NADK2: variants seen among roughly 807,000 people sequenced by gnomAD.
NADK2 encodes the protein NAD kinase domain-containing protein 1, mitochondrial.
In NADK2, 35 loss-of-function variants were observed where a neutral mutation model predicts 62.1. That is an observed-to-expected ratio of 0.56 (90% CI 0.43 to 0.75). The LOEUF (loss-of-function observed/expected upper bound fraction) is 0.75. Ranked by LOEUF, NADK2 falls within the 30% of genes least tolerant of loss-of-function variation. The pLI is 0.00. For synonymous variants in NADK2, 205 were observed against 207.9 expected, an observed-to-expected ratio of 0.99 and a Z score of 0.12; for missense variants, 439 against 561.3, an observed-to-expected ratio of 0.78 and a Z score of 2.20.
chr5:36,207,171 A>G lies in NADK2; in HGVS notation c.955T>C (p.Trp319Arg). The change falls in exon 8 of 12, where the codon TGG becomes CGG. Residue 319 changes from tryptophan to arginine, a missense_variant and splice_region_variant. Coordinates refer to ENST00000381937, the MANE Select transcript of NADK2 (RefSeq NM_001085411.3). The stretch of plus-strand genomic sequence containing the variant: ...TAAGCAACATCCCAAGTTACTCACC[A>G]GGCCTTTGATCCTGTTCCAGTACAC... ...NLCTGTGSKAWSFNINRVATQ... is the reference protein window; with the variant it reads ...NLCTGTGSKARSFNINRVATQ... 1.2e-6 allele frequency: 2 copies of G among 1,610,464 alleles called. No individual in the cohort carries two copies. The highest frequency in any genetic ancestry group is 2.2e-5 in the South Asian group (2 of 90,758).
At chr5:36,207,741 G>A (rs1267985052) in intron 7 of NADK2, among the ~76,000 whole-genome samples, 1 of 152,082 alleles carries the variant, frequency 6.6e-6, no homozygotes, top group Non-Finnish European at 1.5e-5. Flanking sequence ...ACATGCTAAT[G>A]TACCTTTTGA....
At position 36,217,773 on chromosome 5, in the gene NADK2, A is replaced by G; in HGVS notation, c.756T>C (p.Leu252=). Residue 252 remains leucine, a synonymous_variant, in exon 6 of 12, where the codon CTT becomes CTC. Transcript: ENST00000381937. ...TTTCATCATGAGCTCTTTCAATGTT[A>G]AGGGCTCTATTGTGCTGATTCAAGC... ...QLSLNQHNRA[L]NIERAHDERS... 6.2e-7 allele frequency: 1 copy of G among 1,613,940 alleles called. No individual in the cohort carries two copies. Among genetic ancestry groups the G allele is most frequent in the Non-Finnish European group, 8.5e-7 (1 of 1,179,864 alleles).
intron 1 of NADK2, among the ~76,000 whole-genome samples, chr5:36,234,322 G>C: frequency 7.0e-6 from 1 of 141,908 alleles, no homozygotes; most frequent in East Asian, 2.0e-4. Context: ...GCAGTGAGTC[G>C]AGATCGCGCC....
At chr5:36,200,397 G>A (rs1050015332) in intron 9 of NADK2, 117 bp from the exon 10 acceptor site, 8 of 420,346 alleles carry the variant, frequency 1.9e-5, no homozygotes, top group African/African-American at 1.3e-4. Flanking sequence ...ATATATATAT[G>A]TTATTATGTA....
chr5:36,229,575 T>A (rs1386055358), intron 1 of NADK2, among the ~76,000 whole-genome samples: 2 of 151,896 alleles, frequency 1.3e-5, no homozygotes, highest in East Asian at 4.0e-4. Flanking sequence ...ACTAACCACC[T>A]CTCAGTGAGT....
intron 10 of NADK2, among the ~76,000 whole-genome samples, chr5:36,198,549 G>T (rs1215987401): frequency 6.7e-6 from 1 of 149,204 alleles, no homozygotes; most frequent in East Asian, 1.9e-4. Flanking sequence ...TAAAGCTTTG[G>T]TATGTTTACT....
At chr5:36,222,141 T>C (rs1747294628) in intron 4 of NADK2, among the ~76,000 whole-genome samples, 1 of 152,132 alleles carries the variant, frequency 6.6e-6, no homozygotes. Flanking sequence ...AAGTGCTTTC[T>C]GTAGAGGGAA....
chr5:36,207,800 T>G (rs1410551296), intron 7 of NADK2, among the ~76,000 whole-genome samples: 2 of 152,112 alleles, frequency 1.3e-5, no homozygotes, highest in Non-Finnish European at 2.9e-5. Flanking sequence ...TAAAGAAAAT[T>G]CTCAACCAAT....
rs1056635435 is a variant in NADK2, at chr5:36,205,942, A to T, written c.956+1228T>A. Among the ~76,000 whole-genome samples, 4 of 152,160 alleles carry T rather than the reference A, an allele frequency of 2.6e-5. No homozygotes were observed. The highest frequency in any genetic ancestry group is 9.7e-5 in the African/African-American group (4 of 41,420). ...GATAAAGAAAATGTGGCACATATAT[A>T]CCATGGAATACTATGCAGCCATAAA... On this transcript the variant is annotated intron_variant, in intron 8 of 11. Transcript: ENST00000381937. This position sits in a 1 kb window ranked among gnomAD's most constrained non-coding sequence, Gnocchi z 4.1.
At chr5:36,201,872 C>T (rs1193969214) in intron 8 of NADK2, among the ~76,000 whole-genome samples, 1 of 151,912 alleles carries the variant, frequency 6.6e-6, no homozygotes, top group Non-Finnish European at 1.5e-5. Flanking sequence ...AGCATTAGTA[C>T]AAACATGGAT....
In NADK2 at chr5:36,241,686, C is replaced by A; in HGVS notation, c.113G>T (p.Gly38Val). ...AGGPAARPRL[G>V]GDGGGRRHLG... is the part of the protein sequence containing the mutation. Reference sequence around the variant, plus strand: ...GTGCCGCCGGCCGCCACCGTCACCGCCCAGCCGGGGCCGCGCGGCGGGGCC... The same window carrying A: ...GTGCCGCCGGCCGCCACCGTCACCGACCAGCCGGGGCCGCGCGGCGGGGCC... Residue 38 changes from glycine to valine, a missense_variant, in exon 1 of 12, where the codon GGC becomes GTC. Gly to Val is a moderately radical substitution (Grantham distance 109). Transcript: ENST00000381937. The surrounding 1 kb of genome is among the most constrained non-coding windows in gnomAD (Gnocchi z 4.9). The A allele has an allele frequency of 1.7e-6, 2 of 1,159,552 alleles. No homozygotes were observed. Among genetic ancestry groups the A allele is most frequent in the African/African-American group, 3.3e-5 (2 of 61,264 alleles). The allele number at this position is 1,159,552 out of a possible 1,614,324, so 71.8% of individuals were successfully genotyped here.
In NADK2 at chr5:36,198,299, CTG is replaced by C. The variant is rs74791617; in HGVS notation, c.1067-637_1067-636del. Among the ~76,000 whole-genome samples the C allele has an allele frequency of 0.012, 1,847 of 152,006 alleles. 152 individuals carry two copies. In the East Asian group the frequency reaches 0.21, roughly 17 times the overall value. ...GTACTACATTAAAAAAATTAAAAGA[CTG>C]TCAGATAATCTACCTTATTTATAAA... On this transcript the variant is annotated intron_variant, in intron 10 of 11. Transcript: ENST00000381937.
chr5:36,235,702 C>T (rs1747879021), intron 1 of NADK2, among the ~76,000 whole-genome samples: 1 of 152,024 alleles, frequency 6.6e-6, no homozygotes, highest in Non-Finnish European at 1.5e-5. Flanking sequence ...GCCACTAAGC[C>T]TCAATTGTGA....
intron 6 of NADK2, among the ~76,000 whole-genome samples, chr5:36,216,603 G>A: frequency 6.6e-6 from 1 of 152,018 alleles, no homozygotes; most frequent in East Asian, 1.9e-4. Flanking sequence ...TTAATCAGAT[G>A]TGAACATCCT....
chr5:36,219,581 G>A lies in NADK2; in HGVS notation c.644+15C>T, dbSNP rs373182107. ...TTAAGATACTTACATAAGAACAACCGTAAGAAATTCCTACCTGAACTCACC... is the reference window on the plus strand; with the variant it reads ...TTAAGATACTTACATAAGAACAACCATAAGAAATTCCTACCTGAACTCACC... On this transcript the variant is annotated intron_variant, in intron 5 of 11. Coordinates refer to ENST00000381937, the MANE Select transcript of NADK2 (RefSeq NM_001085411.3). The A allele has an allele frequency of 1.9e-4, 310 of 1,603,754 alleles. No homozygotes were observed. Among genetic ancestry groups the A allele is most frequent in the South Asian group, 4.6e-4 (42 of 90,636 alleles).
At chr5:36,235,170 C>G (rs1344651282) in intron 1 of NADK2, among the ~76,000 whole-genome samples, 1 of 152,006 alleles carries the variant, frequency 6.6e-6, no homozygotes, top group Non-Finnish European at 1.5e-5. Context: ...TAATTATTTT[C>G]TCTATTACTT....
At position 36,193,178 on chromosome 5, in the gene NADK2, C is replaced by T. The variant is rs888035039; in HGVS notation, c.*1966G>A. Reference sequence around the variant, plus strand: ...ATTAAGGATGGAGTTGGCATTTTTCCTTTAAGAAGGCATTTTAAGGCCGGG... The same window carrying T: ...ATTAAGGATGGAGTTGGCATTTTTCTTTTAAGAAGGCATTTTAAGGCCGGG... On this transcript the variant is annotated 3_prime_UTR_variant, in exon 12 of 12. Transcript: ENST00000381937. The T allele has an allele frequency of 6.6e-6, 1 of 152,004 alleles. No homozygotes were observed. The highest frequency in any genetic ancestry group is 1.5e-5 in the Non-Finnish European group (1 of 68,000). The allele number at this position is 152,004 out of a possible 1,614,324, so 9.4% of individuals were successfully genotyped here.
At chr5:36,231,415 T>A (rs1747705644) in intron 1 of NADK2, among the ~76,000 whole-genome samples, 1 of 152,254 alleles carries the variant, frequency 6.6e-6, no homozygotes, top group Non-Finnish European at 1.5e-5. Flanking sequence ...AATTTCTTCT[T>A]GTGAACTAAC....
rs1490636739 is a variant in NADK2, at chr5:36,201,107, A to T, written c.1011T>A (p.Ile337=). ...TCCAATAGCTGTTTTGGTACTCACC[A>T]ATATTTAAAACATCTTCTACAGCCT... ...ATQAVEDVLN[I]AKRQGNLSLP... is the part of the protein sequence containing the mutation. Residue 337 remains isoleucine, a splice_region_variant and synonymous_variant, in exon 9 of 12, where the codon ATT becomes ATA. Transcript: ENST00000381937. The T allele has an allele frequency of 1.2e-6, 2 of 1,612,378 alleles. No individual in the cohort carries two copies. The highest frequency in any genetic ancestry group is 4.5e-5 in the East Asian group (2 of 44,852).
Sources: allele counts gnomAD v4.1 joint callset (sites outside exome capture counted in the v4.1 genomes callset), GRCh38; gene constraint gnomAD v4.1.1; non-coding constraint Gnocchi (gnomAD v3.1); transcripts MANE v1.5; gene names NCBI Gene and HGNC (gene_info 2026-07-23, HGNC 2026-07-21).